Variants in IPO5 observed in about 807,000 individuals in gnomAD.
IPO5 encodes the protein importin 5, also known as importin-5.
Under a neutral mutation model 143.3 loss-of-function variants are expected in IPO5, and 18 were observed. The observed-to-expected ratio is 0.13, with a 90% CI of 0.09 to 0.19. The LOEUF is 0.19. Among genes scored for constraint, IPO5 ranks in the 10% least tolerant of loss-of-function variants. IPO5 has a pLI of 1.00. For missense variants in IPO5, 1,013 were observed against 1,336.9 expected, an observed-to-expected ratio of 0.76 and a Z score of 3.78; for synonymous variants, 477 against 465.7, an observed-to-expected ratio of 1.02 and a Z score of -0.31.
chr13:97,986,042 A>C (rs1887313466), intron 6 of IPO5, among the ~76,000 whole-genome samples: 1 of 152,142 alleles, frequency 6.6e-6, no homozygotes, highest in Non-Finnish European at 1.5e-5. Flanking sequence ...TGAGCCCCAG[A>C]AGCTGGAGAC....
At chr13:97,998,683 A>C (rs1888504908) in intron 12 of IPO5, among the ~76,000 whole-genome samples, 1 of 152,224 alleles carries the variant, frequency 6.6e-6, no homozygotes, top group Non-Finnish European at 1.5e-5. Context: ...CTGTTACTTT[A>C]ATCAACTTTA....
At chr13:97,978,255 C>T (rs1379025477) in intron 4 of IPO5, among the ~76,000 whole-genome samples, 4 of 152,134 alleles carry the variant, frequency 2.6e-5, no homozygotes, top group Admixed American at 6.6e-5. Context: ...ACTTAATGGG[C>T]TTATAATACT....
At chr13:97,954,596 T>A (rs1179651341) in intron 2 of IPO5, among the ~76,000 whole-genome samples, 1 of 152,180 alleles carries the variant, frequency 6.6e-6, no homozygotes, top group Non-Finnish European at 1.5e-5. Flanking sequence ...TCATTTTCAT[T>A]ATGGGAAAAC....
At chr13:97,993,338 A>G in intron 11 of IPO5, 113 bp downstream of exon 11, 1 of 893,664 alleles carries the variant, frequency 1.1e-6, no homozygotes. Context: ...ATATCCTTTT[A>G]GAATCAGATG....
In IPO5 at chr13:98,015,822, C is replaced by A. The variant is rs376541714; in HGVS notation, c.2493+41C>A. On this transcript the variant is annotated intron_variant, in intron 24 of 28. Transcript: ENST00000651721. ...TGGAACTTACTTACGTGACCACTTG[C>A]ATCTGAAAGACTTGTAAATGCCTCA... The A allele has an allele frequency of 4.6e-6, 6 of 1,315,110 alleles. No homozygotes were observed. In the African/African-American group the frequency reaches 7.4e-5, roughly 16 times the overall value. The allele number at this position is 1,315,110 out of a possible 1,614,324, so 81.5% of individuals were successfully genotyped here.
intron 5 of IPO5, among the ~76,000 whole-genome samples, chr13:97,984,738 G>A (rs1482343607): frequency 6.6e-6 from 1 of 152,096 alleles, no homozygotes; most frequent in East Asian, 1.9e-4. Context: ...GGGAAATCGA[G>A]AGCAGGAAAG....
Position 97,990,547 on chromosome 13 carries a change from C to T in IPO5, c.669+10C>T, listed in dbSNP as rs766018478. 7.0e-7 allele frequency: 1 copy of T among 1,430,412 alleles called. No homozygotes were observed. 88.6% of individuals were successfully genotyped at this position (1,430,412 alleles called of 1,614,324 possible). ...ACCGGGATTCCTACAGGTATGAAAGCAATATAGAATAAATCATAATTATAT... is the reference window on the plus strand; with the variant it reads ...ACCGGGATTCCTACAGGTATGAAAGTAATATAGAATAAATCATAATTATAT... On this transcript the variant is annotated intron_variant, in intron 9 of 28. Transcript: ENST00000651721.
At chr13:97,958,588 T>C (rs1259850387) in intron 2 of IPO5, among the ~76,000 whole-genome samples, 8 of 151,502 alleles carry the variant, frequency 5.3e-5, no homozygotes, top group African/African-American at 1.9e-4. Flanking sequence ...TGGAAGGCCC[T>C]CAAACTGTAT....
chr13:97,983,540 C>CG (rs1887037872), intron 5 of IPO5, among the ~76,000 whole-genome samples: 1 of 25,312 alleles, frequency 4.0e-5, no homozygotes, highest in Non-Finnish European at 7.6e-5. Context: ...TAATTCCACC[C>CG]CCCCCCCCCA....
intron 20 of IPO5, among the ~76,000 whole-genome samples, chr13:98,011,345 C>G (rs1889697371): frequency 6.6e-6 from 1 of 152,090 alleles, no homozygotes; most frequent in Non-Finnish European, 1.5e-5. Flanking sequence ...GGCTGGAGTA[C>G]AGTGGCTTGA....
At chr13:98,019,154 A>G (rs996755471) in intron 26 of IPO5, among the ~76,000 whole-genome samples, 10 of 152,080 alleles carry the variant, frequency 6.6e-5, no homozygotes, top group Non-Finnish European at 1.3e-4. Flanking sequence ...GGGTTTCACC[A>G]TGTTAGCCAG....
intron 2 of IPO5, among the ~76,000 whole-genome samples, chr13:97,961,678 T>A (rs1884895368): frequency 6.6e-6 from 1 of 152,266 alleles, no homozygotes; most frequent in Admixed American, 6.5e-5. Context: ...TAATGATGAA[T>A]GATGTTGCAC....
intron 3 of IPO5, chr13:97,975,714 C>T (rs553640873): frequency 6.5e-6 from 1 of 153,260 alleles, no homozygotes; most frequent in East Asian, 1.9e-4. Flanking sequence ...AGGTGTCTCT[C>T]TTGACGTTCC....
chr13:97,956,431 A>G (rs1328169266), intron 2 of IPO5, among the ~76,000 whole-genome samples: 1 of 152,158 alleles, frequency 6.6e-6, no homozygotes, highest in African/African-American at 2.4e-5. Flanking sequence ...TTTTAATACT[A>G]ATCTTTTAAA....
intron 1 of IPO5, 64 bp from the exon 2 acceptor site, chr13:97,954,055 T>A: frequency 5.7e-6 from 2 of 352,388 alleles, no homozygotes; most frequent in Non-Finnish European, 1.1e-5. Flanking sequence ...GAATGTGGGT[T>A]ATTATCCTAA....
At chr13:97,973,039 T>C (rs967383272) in intron 3 of IPO5, among the ~76,000 whole-genome samples, 20 of 514 alleles carry the variant, frequency 0.039, no homozygotes, top group South Asian at 0.12. Context: ...TTTTATCTTC[T>C]TTTTTTTTTT....
intron 12 of IPO5, among the ~76,000 whole-genome samples, chr13:97,997,936 A>T (rs1049931696): frequency 1.3e-5 from 2 of 152,116 alleles, no homozygotes; most frequent in Non-Finnish European, 2.9e-5. Context: ...TTTCTTTTTT[A>T]AAAAAAAGTA....
chr13:97,968,834 G>A (rs1038917202), intron 2 of IPO5, among the ~76,000 whole-genome samples: 1 of 150,692 alleles, frequency 6.6e-6, no homozygotes. Context: ...GAGTACAGCC[G>A]CCTGCCACTA....
chr13:97,976,126 A>G (rs1157859689), intron 3 of IPO5: 4 of 215,554 alleles, frequency 1.9e-5, no homozygotes, highest in South Asian at 1.6e-4. Flanking sequence ...GGGTCGCTAG[A>G]AGGAGGCCGA....
Sources: gnomAD v4.1 joint callset for allele counts (sites outside exome capture counted in the v4.1 genomes callset) on GRCh38, gnomAD v4.1.1 for gene constraint, MANE v1.5 for transcripts, NCBI Gene and HGNC (gene_info 2026-07-23, HGNC 2026-07-21) for gene names.